Variants in TLK2 observed in about 807,000 individuals in gnomAD.
TLK2 encodes the protein serine/threonine-protein kinase tousled-like 2.
In TLK2, 6 loss-of-function variants were observed where a neutral mutation model predicts 117.3. The ratio of observed to expected loss-of-function variants is 0.05; its 90% CI spans 0.03 to 0.10. The LOEUF (loss-of-function observed/expected upper bound fraction) is 0.10. Among genes scored for constraint, TLK2 ranks in the 10% least tolerant of loss-of-function variants. The pLI, the probability that TLK2 is intolerant of heterozygous loss-of-function variation, is 1.00. For synonymous variants in TLK2, 257 were observed against 316.7 expected, an observed-to-expected ratio of 0.81 and a Z score of 2.00; for missense variants, 299 against 901.2, an observed-to-expected ratio of 0.33 and a Z score of 8.56.
chr17:62,608,460 A>G (rs1182070955), intron 21 of TLK2, among the ~76,000 whole-genome samples: 1 of 152,208 alleles, frequency 6.6e-6, no homozygotes, highest in Non-Finnish European at 1.5e-5. Context: ...ATGTCACGAA[A>G]GATACCCAGC....
At chr17:62,569,486 A>G (rs1255077524) in intron 11 of TLK2, among the ~76,000 whole-genome samples, 2 of 109,910 alleles carry the variant, frequency 1.8e-5, no homozygotes, top group African/African-American at 3.7e-5. Context: ...CCCAGGCTGG[A>G]GTGCAGTGGC....
At chr17:62,565,601 G>A (rs1004530611) in intron 11 of TLK2, among the ~76,000 whole-genome samples, 4 of 141,828 alleles carry the variant, frequency 2.8e-5, no homozygotes, top group Admixed American at 7.3e-5. Context: ...GCAGTGAGCC[G>A]AGATCGTACC....
At chr17:62,509,548 T>A (rs2074982888) in intron 2 of TLK2, among the ~76,000 whole-genome samples, 1 of 152,272 alleles carries the variant, frequency 6.6e-6, no homozygotes, top group Admixed American at 6.5e-5. Context: ...AGATTATTCC[T>A]TTGTTTTGTT....
intron 7 of TLK2, chr17:62,550,542 A>G (rs887908537): frequency 1.3e-5 from 2 of 152,228 alleles, no homozygotes; most frequent in African/African-American, 2.4e-5. Flanking sequence ...GTGCTTAGAC[A>G]TAGGGAGTAC....
At chr17:62,598,977 G>A (rs140185563) in intron 17 of TLK2, among the ~76,000 whole-genome samples, 139 of 151,256 alleles carry the variant, frequency 9.2e-4, no homozygotes, top group African/African-American at 3.3e-3. Flanking sequence ...ATGGAGTCTT[G>A]CTCTGTTGCC....
At chr17:62,601,301 G>C (rs2147173689) in intron 18 of TLK2, among the ~76,000 whole-genome samples, 1 of 152,300 alleles carries the variant, frequency 6.6e-6, no homozygotes. Flanking sequence ...AGGGCAGCTA[G>C]AGTCCTTACC....
At chr17:62,506,274 G>A (rs143310582) in intron 2 of TLK2, among the ~76,000 whole-genome samples, 2,295 of 152,338 alleles carry the variant, frequency 0.015, 32 homozygotes, top group Non-Finnish European at 0.025. Context: ...ACCAGTGCTA[G>A]GACGTGTGTG....
At chr17:62,578,093 A>G (rs1360703931) in intron 13 of TLK2, among the ~76,000 whole-genome samples, 1 of 152,188 alleles carries the variant, frequency 6.6e-6, no homozygotes, top group African/African-American at 2.4e-5. Flanking sequence ...TGTAATCCAT[A>G]CTTAAAGATG....
chr17:62,610,602 A>C lies in TLK2; in HGVS notation c.2080-1790A>C, dbSNP rs147476189. Among the ~76,000 whole-genome samples the C allele has an allele frequency of 5.1e-4, 77 of 152,288 alleles. 1 individual carries two copies. The East Asian group carries it at 0.013, about 27-fold the overall frequency. On this transcript the variant is annotated intron_variant, in intron 21 of 21. Transcript: ENST00000346027. ...CAGTTTGAGCAGTATCTTGAATGGTATGAAGGTGGGAGCCATGATTTGCAG... is the reference window on the plus strand; with the variant it reads ...CAGTTTGAGCAGTATCTTGAATGGTCTGAAGGTGGGAGCCATGATTTGCAG...
intron 2 of TLK2, among the ~76,000 whole-genome samples, chr17:62,503,507 TC>T (rs1259899959): frequency 6.7e-6 from 1 of 148,632 alleles, no homozygotes; most frequent in Non-Finnish European, 1.5e-5. Context: ...AACCTCTGCC[TC>T]CCGGGTTCAG....
At chr17:62,501,639 A>G (rs1223525505) in intron 2 of TLK2, among the ~76,000 whole-genome samples, 1 of 151,970 alleles carries the variant, frequency 6.6e-6, no homozygotes, top group African/African-American at 2.4e-5. Flanking sequence ...GAATAACCCC[A>G]TATTTATTAC....
In TLK2 at chr17:62,552,330, G is replaced by T. The variant is rs376620030; in HGVS notation, c.560G>T (p.Gly187Val). The T allele has an allele frequency of 6.2e-7, 1 of 1,613,538 alleles. No individual in the cohort carries two copies. The highest frequency in any genetic ancestry group is 8.5e-7 in the Non-Finnish European group (1 of 1,179,780). Reference protein sequence around the residue: ...SAQQNSPSSTGSGNTEHSCSS... With the variant: ...SAQQNSPSSTVSGNTEHSCSS... ...CAGCAAAACAGTCCCTCATCTACGG[G>T]ATCTGGCAACACAGAGCATTCCTGC... The change falls in exon 8 of 22, where the codon GGA becomes GTA. Residue 187 changes from glycine to valine, a missense_variant. By Grantham distance (109) the Gly-to-Val change is moderately radical (BLOSUM62 -3). Transcript: ENST00000346027.
At chr17:62,516,611 T>G in intron 2 of TLK2, 7 of 1,610,276 alleles carry the variant, frequency 4.3e-6, no homozygotes, top group Non-Finnish European at 5.9e-6. Context: ...CCTCGGCACT[T>G]GAGAGACTGC....
At chr17:62,601,721 A>T (rs1251974925) in intron 18 of TLK2, among the ~76,000 whole-genome samples, 2 of 152,220 alleles carry the variant, frequency 1.3e-5, no homozygotes, top group Admixed American at 1.3e-4. Flanking sequence ...ATCCTCACTG[A>T]AAGTTCAGAT....
chr17:62,478,378 A>G (rs997520472), upstream of TLK2, among the ~76,000 whole-genome samples: 2 of 150,004 alleles, frequency 1.3e-5, no homozygotes, highest in Non-Finnish European at 3.0e-5. Flanking sequence ...GAACGGGTGG[A>G]CCCGGGCGGC....
upstream of TLK2, among the ~76,000 whole-genome samples, chr17:62,478,360 G>A (rs1039130394): frequency 4.6e-5 from 7 of 151,142 alleles, no homozygotes; most frequent in Non-Finnish European, 1.0e-4. Flanking sequence ...CCGGCGAGGC[G>A]GATCCGGGAA....
intron 2 of TLK2, among the ~76,000 whole-genome samples, chr17:62,517,633 C>T (rs532244593): frequency 1.3e-5 from 2 of 152,234 alleles, no homozygotes; most frequent in East Asian, 1.9e-4. Context: ...CCGCCCGCCT[C>T]GGCCTCCCAA....
At chr17:62,569,434 CTT>C (rs200412545) in intron 11 of TLK2, among the ~76,000 whole-genome samples, 140 of 87,186 alleles carry the variant, frequency 1.6e-3, no homozygotes, top group Admixed American at 2.0e-3. Context: ...GAAATACGTG[CTT>C]TTTTTTTTTT....
intron 9 of TLK2, among the ~76,000 whole-genome samples, chr17:62,557,261 T>G (rs2078929714): frequency 6.6e-6 from 1 of 152,150 alleles, no homozygotes; most frequent in Non-Finnish European, 1.5e-5. Context: ...CTTTTTTCCC[T>G]CATCTAATAT....
Sources: allele counts gnomAD v4.1 joint callset (sites outside exome capture counted in the v4.1 genomes callset), GRCh38; gene constraint gnomAD v4.1.1; transcripts MANE v1.5; gene names NCBI Gene and HGNC (gene_info 2026-07-23, HGNC 2026-07-21).